The following PLA2G12A variants were observed in gnomAD, a reference collection of about 807,000 sequenced individuals.
PLA2G12A encodes group XIIA secretory phospholipase A2.
PLA2G12A carries 11 observed loss-of-function variants against 16.0 expected under a neutral mutation model. The ratio of observed to expected loss-of-function variants is 0.69; its 90% CI spans 0.43 to 1.13. The LOEUF is 1.13. PLA2G12A is among the 50% of genes most tolerant of loss of function. The pLI is 0.00. For synonymous variants in PLA2G12A, 77 were observed against 93.8 expected, an observed-to-expected ratio of 0.82 and a Z score of 1.03; for missense variants, 214 against 237.3, an observed-to-expected ratio of 0.90 and a Z score of 0.65.
intron 3 of PLA2G12A, among the ~76,000 whole-genome samples, chr4:109,715,970 C>T (rs956392948): frequency 6.6e-6 from 1 of 152,126 alleles, no homozygotes; most frequent in Non-Finnish European, 1.5e-5. Flanking sequence ...CTTGTCATTA[C>T]AAAATCTTAA....
chr4:109,724,637 C>T (rs772457991), intron 1 of PLA2G12A, among the ~76,000 whole-genome samples: 1 of 151,980 alleles, frequency 6.6e-6, no homozygotes, highest in African/African-American at 2.4e-5. Context: ...GAGATAATTA[C>T]CTTTGAATGG....
At position 109,711,740 on chromosome 4, in the gene PLA2G12A, G is replaced by A. The variant is rs1170759644; in HGVS notation, c.*2637C>T. On this transcript the variant is annotated 3_prime_UTR_variant, in exon 4 of 4. Coordinates refer to ENST00000243501, the MANE Select transcript of PLA2G12A (RefSeq NM_030821.5). ...CCTCCCATGACTGGACTTAGTGACT[G>A]TTTTCCAAAGAACAGAAGTATGGAA... is the stretch of plus-strand genomic sequence containing the variant. 2.0e-5 allele frequency: 3 copies of A among 152,206 alleles called. No individual in the cohort carries two copies. The highest frequency in any genetic ancestry group is 3.9e-4 in the East Asian group (2 of 5,180). The allele number at this position is 152,206 out of a possible 1,614,324, so 9.4% of individuals were successfully genotyped here.
Position 109,714,102 on chromosome 4 carries a change from A to T in PLA2G12A, c.*275T>A. ...ATTCCTCTTTTCAAAATTCTCCGCT[A>T]AACAAGCACTTGTTTTTGATATTGG... On this transcript the variant is annotated 3_prime_UTR_variant, in exon 4 of 4. Coordinates refer to ENST00000243501, the MANE Select transcript of PLA2G12A (RefSeq NM_030821.5). The T allele has an allele frequency of 3.0e-6, 1 of 330,128 alleles. No homozygotes were observed. Among genetic ancestry groups the T allele is most frequent in the African/African-American group, 2.0e-5 (1 of 48,826 alleles). The allele number at this position is 330,128 out of a possible 1,614,324, so 20.4% of individuals were successfully genotyped here. A position where few individuals can be genotyped will look rare whatever the true frequency, so the allele number is the denominator to read the frequency against.
At chr4:109,727,579 A>G (rs1433048357) in intron 1 of PLA2G12A, among the ~76,000 whole-genome samples, 1 of 152,000 alleles carries the variant, frequency 6.6e-6, no homozygotes, top group Admixed American at 6.6e-5. Flanking sequence ...TGTGCCAGAG[A>G]CCTTCCTCTA....
chr4:109,720,292 T>C (rs1195103666), intron 1 of PLA2G12A, among the ~76,000 whole-genome samples: 1 of 152,132 alleles, frequency 6.6e-6, no homozygotes, highest in Non-Finnish European at 1.5e-5. Flanking sequence ...CACAGTTGGA[T>C]ACATAGGAGT....
rs1461565814 is a variant in PLA2G12A, at chr4:109,727,120, T to TATA, written c.208+2481_208+2482insTAT. On this transcript the variant is annotated intron_variant, in intron 1 of 3. Transcript: ENST00000243501. ...GTAACAGCAATTTTATTATTATTAT[T>TATA]ATTATTATTATTTTTGAGACAGAGT... Among the ~76,000 whole-genome samples, 12 of 151,696 alleles carry TATA rather than the reference T, an allele frequency of 7.9e-5. No individual in the cohort carries two copies. In the East Asian group the frequency reaches 2.3e-3, roughly 29 times the overall value.
intron 1 of PLA2G12A, among the ~76,000 whole-genome samples, chr4:109,726,914 C>A (rs1722951826): frequency 6.7e-6 from 1 of 149,332 alleles, no homozygotes; most frequent in South Asian, 2.2e-4. Context: ...CCAACCTCTC[C>A]CTACCATTAA....
chr4:109,720,640 T>TATATATGTATATATATATATATATATAC (rs1730922348), intron 1 of PLA2G12A, among the ~76,000 whole-genome samples: 2 of 108,856 alleles, frequency 1.8e-5, no homozygotes, highest in African/African-American at 7.1e-5. Flanking sequence ...TATATATATA[T>TATATATGTATATATATATATATATATAC]ATATGAATTT....
chr4:109,725,577 T>C (rs2126168654), intron 1 of PLA2G12A, among the ~76,000 whole-genome samples: 1 of 152,316 alleles, frequency 6.6e-6, no homozygotes, highest in South Asian at 2.1e-4. Context: ...ACAAACCAAA[T>C]CCACTGTGTA....
intron 3 of PLA2G12A, among the ~76,000 whole-genome samples, chr4:109,715,743 G>C (rs914970002): frequency 2.6e-5 from 4 of 152,274 alleles, no homozygotes; most frequent in African/African-American, 9.6e-5. Context: ...CCAAAGTGCT[G>C]GGATTACAGG....
rs148738146 is a variant in PLA2G12A, at chr4:109,714,415, C to T, written c.532G>A (p.Ala178Thr). Residue 178 changes from alanine (A) to threonine (T), a missense_variant, in exon 4 of 4, where the codon GCA becomes ACA. Ala to Thr is a moderately conservative substitution (Grantham distance 58). Transcript: ENST00000243501. The part of the protein sequence containing the change: ...CKPYLDSQRA[A>T]CRCHYEEKTD... ...TTTTCTTCATAATGACACCTGCATG[C>T]GGCTCGTTGGCTGTCCAGATATGGT... 576 of 1,613,878 alleles carry T rather than the reference C, an allele frequency of 3.6e-4. 2 individuals are homozygous for T. In the African/African-American group the frequency reaches 6.2e-3, roughly 17 times the overall value.
At chr4:109,725,374 G>A (rs1439267518) in intron 1 of PLA2G12A, among the ~76,000 whole-genome samples, 1 of 152,156 alleles carries the variant, frequency 6.6e-6, no homozygotes, top group East Asian at 1.9e-4. Context: ...AGACACCAAT[G>A]TTACAAATGT....
rs1363325311 is a variant in PLA2G12A, at chr4:109,730,017, C to T, written c.-208G>A. On this transcript the variant is annotated 5_prime_UTR_variant, in exon 1 of 4. Coordinates refer to ENST00000243501, the MANE Select transcript of PLA2G12A (RefSeq NM_030821.5). Reference sequence around the variant, plus strand: ...GGCAGCGCCGTCGCGGGGACGCGCCCGCTCACCTGGACCAGCGCGCCCGCT... The same window carrying T: ...GGCAGCGCCGTCGCGGGGACGCGCCTGCTCACCTGGACCAGCGCGCCCGCT... The T allele has an allele frequency of 1.4e-5, 7 of 515,438 alleles. No homozygotes were observed. Among genetic ancestry groups the T allele is most frequent in the Non-Finnish European group, 2.4e-5 (7 of 297,518 alleles). The allele number at this position is 515,438 out of a possible 1,614,324, so 31.9% of individuals were successfully genotyped here. A position where few individuals can be genotyped will look rare whatever the true frequency, so the allele number is the denominator to read the frequency against.
At chr4:109,727,177 C>G (rs920175417) in intron 1 of PLA2G12A, among the ~76,000 whole-genome samples, 1 of 151,824 alleles carries the variant, frequency 6.6e-6, no homozygotes, top group African/African-American at 2.4e-5. Flanking sequence ...GAGGCACGGT[C>G]TCGGCTCACT....
chr4:109,718,865 TACTTGGATG>T, intron 1 of PLA2G12A, 106 bp from the exon 2 acceptor site: 2 of 709,054 alleles, frequency 2.8e-6, no homozygotes, highest in Non-Finnish European at 4.6e-6. Context: ...ATGTAATATT[TACTTGGATG>T]CTAACATAAG....
In PLA2G12A at chr4:109,718,751, G is replaced by T. The variant is rs746850011; in HGVS notation, c.217C>A (p.Pro73Thr). 3 of 1,581,102 alleles carry T rather than the reference G, an allele frequency of 1.9e-6. No homozygotes were observed. Among genetic ancestry groups the T allele is most frequent in the Non-Finnish European group, 2.6e-6 (3 of 1,161,096 alleles). ...CQYKCSDGSK[P>T]FPRYGYKPSP... ...GGTTTATAACCATAACGTGGGAAAG[G>T]CTTAGATCCTATAAAATATAATGGT... The change falls in exon 2 of 4, where the codon CCT (proline) becomes ACT (threonine). Residue 73 changes from proline (P) to threonine (T), a missense_variant. By Grantham distance (38) the Pro-to-Thr change is conservative. Transcript: ENST00000243501.
At chr4:109,720,279 C>A (rs1730899008) in intron 1 of PLA2G12A, among the ~76,000 whole-genome samples, 1 of 152,086 alleles carries the variant, frequency 6.6e-6, no homozygotes, top group Admixed American at 6.6e-5. Flanking sequence ...CCAAATACAA[C>A]CCCACAGTTG....
At chr4:109,723,003 T>C (rs1438921872) in intron 1 of PLA2G12A, among the ~76,000 whole-genome samples, 1 of 152,158 alleles carries the variant, frequency 6.6e-6, no homozygotes, top group Non-Finnish European at 1.5e-5. Context: ...TGCCCTAGAG[T>C]CTCTTTTGGG....
At chr4:109,726,985 C>T (rs566100303) in intron 1 of PLA2G12A, among the ~76,000 whole-genome samples, 10 of 151,792 alleles carry the variant, frequency 6.6e-5, no homozygotes, top group African/African-American at 1.9e-4. Flanking sequence ...TAAAAATACC[C>T]CTTAATCACC....
Sources: allele counts gnomAD v4.1 joint callset (sites outside exome capture counted in the v4.1 genomes callset), GRCh38; gene constraint gnomAD v4.1.1; transcripts MANE v1.5; gene names NCBI Gene and HGNC (gene_info 2026-07-23, HGNC 2026-07-21).